The following FOLH1 variants were observed in gnomAD, a reference collection of about 807,000 sequenced individuals.
FOLH1 encodes glutamate carboxypeptidase 2.
Under a neutral mutation model 93.9 loss-of-function variants are expected in FOLH1, and 54 were observed. That is an observed-to-expected ratio of 0.57 (90% CI 0.46 to 0.72). FOLH1 has a LOEUF of 0.72. Among genes scored for constraint, FOLH1 ranks in the 30% least tolerant of loss-of-function variants. The pLI, the probability that FOLH1 is intolerant of heterozygous loss-of-function variation, is 0.00. For synonymous variants in FOLH1, 249 were observed against 303.6 expected (o/e 0.82, Z 1.87); for missense variants, 571 against 892.5 (o/e 0.64, Z 4.59).
intron 3 of FOLH1, among the ~76,000 whole-genome samples, chr11:49,194,664 A>G (rs947099451): frequency 6.6e-6 from 1 of 152,138 alleles, no homozygotes; most frequent in Non-Finnish European, 1.5e-5. Flanking sequence ...AATGGAAAAA[A>G]GAATAATTAA....
chr11:49,160,442 T>C (rs548989528), intron 13 of FOLH1, among the ~76,000 whole-genome samples: 18 of 152,108 alleles, frequency 1.2e-4, no homozygotes, highest in Non-Finnish European at 2.1e-4. Context: ...ATCTTTCTAA[T>C]GTTTTTTTCT....
At chr11:49,179,583 T>C (rs957246421) in intron 7 of FOLH1, among the ~76,000 whole-genome samples, 23 of 152,122 alleles carry the variant, frequency 1.5e-4, no homozygotes, top group African/African-American at 5.5e-4. Context: ...AACATACCAA[T>C]ATTTATGAGA....
chr11:49,196,602 TAA>T (rs1212798138), intron 3 of FOLH1, among the ~76,000 whole-genome samples: 1 of 142,012 alleles, frequency 7.0e-6, no homozygotes, highest in African/African-American at 2.8e-5. Context: ...TCAAAAAATA[TAA>T]GATTATTCTA....
At chr11:49,201,255 G>GATATATATATATATATATATATATAT (rs35326986) in intron 2 of FOLH1, among the ~76,000 whole-genome samples, 1 of 139,876 alleles carries the variant, frequency 7.1e-6, no homozygotes, top group African/African-American at 2.6e-5. Flanking sequence ...AGCATGAAAA[G>GATATATATATATATATATATATATAT]ATATATATAT....
intron 13 of FOLH1, among the ~76,000 whole-genome samples, chr11:49,159,701 A>T (rs1355323726): frequency 6.6e-6 from 1 of 152,158 alleles, no homozygotes; most frequent in Non-Finnish European, 1.5e-5. Context: ...TTCAATAGAA[A>T]TAGTACCAGC....
intron 6 of FOLH1, among the ~76,000 whole-genome samples, chr11:49,183,813 A>G (rs1861064737): frequency 6.6e-6 from 1 of 152,166 alleles, no homozygotes; most frequent in African/African-American, 2.4e-5. Flanking sequence ...CAGGCAAACG[A>G]ATACACGATG....
intron 5 of FOLH1, 76 bp from the exon 6 acceptor site, chr11:49,185,931 A>G: frequency 6.8e-7 from 1 of 1,467,532 alleles, no homozygotes; most frequent in South Asian, 1.5e-5. Context: ...TTTCAATATT[A>G]CACTTAAATG....
At chr11:49,207,606 A>T (rs990351065) in intron 1 of FOLH1, among the ~76,000 whole-genome samples, 1 of 152,232 alleles carries the variant, frequency 6.6e-6, no homozygotes, top group East Asian at 1.9e-4. Context: ...TAGGAGATTT[A>T]CATGCTATAT....
chr11:49,180,972 C>T (rs1415522416), intron 7 of FOLH1, among the ~76,000 whole-genome samples: 2 of 152,082 alleles, frequency 1.3e-5, no homozygotes, highest in Non-Finnish European at 2.9e-5. Flanking sequence ...TTCCATTACA[C>T]AATCAGAGCA....
At chr11:49,165,617 A>C (rs1858291238) in intron 12 of FOLH1, among the ~76,000 whole-genome samples, 1 of 152,158 alleles carries the variant, frequency 6.6e-6, no homozygotes, top group Non-Finnish European at 1.5e-5. Flanking sequence ...ACCAGGACAC[A>C]GTTGGGGGGA....
At position 49,154,294 on chromosome 11, in the gene FOLH1, C is replaced by T. The variant is rs777584883; in HGVS notation, c.1822G>A (p.Ala608Thr). 1.2e-6 allele frequency: 2 copies of T among 1,613,324 alleles called. No homozygotes were observed. The highest frequency in any genetic ancestry group is 1.1e-5 in the South Asian group (1 of 91,072). The change falls in exon 16 of 19, where the codon GCT becomes ACT. Residue 608 changes from alanine to threonine, a missense_variant. This residue lies in a region of FOLH1 where 500 missense variants were observed against 822.9 expected (regional missense o/e 0.61). Transcript: ENST00000256999. ...ATAGAAATACTGTAGATTTTGTCAG[C>T]ATACTTTCTTAAAACTACAGCATAA... Reference protein sequence around the residue: ...RDYAVVLRKYADKIYSISMKH... With the variant: ...RDYAVVLRKYTDKIYSISMKH...
At chr11:49,206,196 G>C in intron 1 of FOLH1, 24 bp from the exon 2 acceptor site, 1 of 1,609,766 alleles carries the variant, frequency 6.2e-7, no homozygotes, top group Non-Finnish European at 8.5e-7. Context: ...CCAAAAATAG[G>C]CATGAGATAC....
intron 1 of FOLH1, chr11:49,207,870 G>A (rs1289845196): frequency 2.2e-6 from 1 of 459,812 alleles, no homozygotes; most frequent in African/African-American, 2.0e-5. Flanking sequence ...TTGCTGACCT[G>A]GTTCACACAG....
chr11:49,183,157 C>G lies in FOLH1; in HGVS notation c.912G>C (p.Lys304Asn), dbSNP rs750141457. ...VHPIGYYDAQKLLEKMGGSAP... is the reference protein window; with the variant it reads ...VHPIGYYDAQNLLEKMGGSAP... ...GTTTCTTACAAACTTACTCTAGGAG[C>G]TTCTGTGCATCATAGTATCCAATTG... The change falls in exon 7 of 19, where the codon AAG (lysine) becomes AAC (asparagine). Residue 304 changes from lysine to asparagine, a missense_variant. Coordinates refer to ENST00000256999, the MANE Select transcript of FOLH1 (RefSeq NM_004476.3). 19 of 1,604,440 alleles carry G rather than the reference C, an allele frequency of 1.2e-5. No homozygotes were observed. The highest frequency in any genetic ancestry group is 1.4e-5 in the Non-Finnish European group (16 of 1,176,320).
intron 9 of FOLH1, among the ~76,000 whole-genome samples, chr11:49,174,085 G>C (rs182410197): frequency 1.3e-5 from 2 of 152,026 alleles, no homozygotes; most frequent in African/African-American, 4.8e-5. Flanking sequence ...TGTTTGTCTT[G>C]GGTCTGTGTC....
At chr11:49,149,172 C>A (rs1856165216) in intron 17 of FOLH1, among the ~76,000 whole-genome samples, 2 of 151,940 alleles carry the variant, frequency 1.3e-5, no homozygotes, top group South Asian at 4.2e-4. Flanking sequence ...ATGACGAGTC[C>A]TCTGTGGAAT....
At chr11:49,183,366 C>T (rs1861008841) in intron 6 of FOLH1, 124 bp from the exon 7 acceptor site, 1 of 723,408 alleles carries the variant, frequency 1.4e-6, no homozygotes, top group Non-Finnish European at 2.2e-6. Context: ...AACAGATTAA[C>T]AATTCAAATG....
chr11:49,203,326 C>T (rs1863486763), intron 2 of FOLH1, among the ~76,000 whole-genome samples: 1 of 152,194 alleles, frequency 6.6e-6, no homozygotes, highest in Non-Finnish European at 1.5e-5. Context: ...AAAACACAGA[C>T]AACCCTGTAC....
intron 11 of FOLH1, 61 bp downstream of exon 11, chr11:49,171,134 C>T: frequency 6.8e-7 from 1 of 1,470,862 alleles, no homozygotes; most frequent in Non-Finnish European, 9.1e-7. Flanking sequence ...ATGTGCTTGG[C>T]AAATAAGTCC....
Sources: allele counts gnomAD v4.1 joint callset (sites outside exome capture counted in the v4.1 genomes callset), GRCh38; gene constraint gnomAD v4.1.1; regional missense constraint gnomAD v4.1.1; transcripts MANE v1.5; gene names NCBI Gene and HGNC (gene_info 2026-07-23, HGNC 2026-07-21).